The following MECOM variants were observed in gnomAD, a reference collection of about 807,000 sequenced individuals.
The protein encoded by MECOM is histone-lysine N-methyltransferase MECOM.
A neutral mutation model predicts 116.3 loss-of-function variants in MECOM; 13 were observed. That is an observed-to-expected ratio of 0.11 (90% CI 0.07 to 0.18). The LOEUF is 0.18. MECOM is among the 10% of genes least tolerant of loss of function. The pLI is 1.00. For synonymous variants in MECOM, 528 were observed against 535.2 expected (o/e 0.99, Z 0.19); for missense variants, 1,299 against 1,509.0 (o/e 0.86, Z 2.31).
chr3:169,326,119 C>T (rs548399885), intron 2 of MECOM, among the ~76,000 whole-genome samples: 1 of 152,164 alleles, frequency 6.6e-6, no homozygotes, highest in South Asian at 2.1e-4. Context: ...AAAAAAAGCT[C>T]AAGGAAGCCT....
chr3:169,099,635 A>G (rs1722890742), intron 12 of MECOM, among the ~76,000 whole-genome samples: 1 of 152,162 alleles, frequency 6.6e-6, no homozygotes, highest in South Asian at 2.1e-4. Context: ...AATCTGATAA[A>G]TAACTTACTT....
intron 2 of MECOM, among the ~76,000 whole-genome samples, chr3:169,204,391 A>G (rs1439631947): frequency 1.3e-5 from 2 of 152,104 alleles, no homozygotes; most frequent in Non-Finnish European, 2.9e-5. Context: ...CACATCAGTT[A>G]CTCACAAGCC....
At chr3:169,132,779 G>T (rs1735168405) in intron 3 of MECOM, among the ~76,000 whole-genome samples, 1 of 149,340 alleles carries the variant, frequency 6.7e-6, no homozygotes, top group Admixed American at 6.6e-5. Flanking sequence ...TTGAGACAGG[G>T]TCTCAATCTG....
chr3:169,526,641 ATTTGT>A (rs1161300626), intron 1 of MECOM, among the ~76,000 whole-genome samples: 2 of 152,078 alleles, frequency 1.3e-5, no homozygotes, highest in Non-Finnish European at 2.9e-5. Flanking sequence ...TTTCTATACA[ATTTGT>A]TTTATTTTTT....
intron 2 of MECOM, among the ~76,000 whole-genome samples, chr3:169,166,141 C>G (rs16853283): frequency 0.07 from 10,723 of 152,226 alleles, 485 homozygotes; most frequent in South Asian, 0.19. Flanking sequence ...GTAACGCTTG[C>G]AGCAGCGGTT....
At chr3:169,305,491 G>A (rs531891021) in intron 2 of MECOM, among the ~76,000 whole-genome samples, 12 of 152,210 alleles carry the variant, frequency 7.9e-5, no homozygotes, top group African/African-American at 2.4e-4. Flanking sequence ...CAAAGTAGCA[G>A]AAAAAAAGAA....
At chr3:169,409,817 A>G (rs1438910516) in intron 1 of MECOM, among the ~76,000 whole-genome samples, 1 of 152,238 alleles carries the variant, frequency 6.6e-6, no homozygotes, top group South Asian at 2.1e-4. Flanking sequence ...GCATGCATCC[A>G]TTGAAGCTAG....
intron 9 of MECOM, among the ~76,000 whole-genome samples, chr3:169,110,830 A>G (rs533960408): frequency 3.3e-5 from 5 of 152,246 alleles, no homozygotes; most frequent in Non-Finnish European, 5.9e-5. Flanking sequence ...AAGACGTGAC[A>G]TTCTGGTGTA....
chr3:169,257,589 T>A (rs1460528268), intron 2 of MECOM, among the ~76,000 whole-genome samples: 1 of 152,158 alleles, frequency 6.6e-6, no homozygotes, highest in African/African-American at 2.4e-5. Context: ...TTCTGTGAAA[T>A]TTTTGCACAG....
intron 1 of MECOM, among the ~76,000 whole-genome samples, chr3:169,644,571 T>C (rs898614020): frequency 2.0e-5 from 3 of 152,264 alleles, no homozygotes; most frequent in African/African-American, 7.2e-5. Context: ...CCATTTTATA[T>C]TTTATATTCA....
At chr3:169,361,246 G>C (rs373171060) in intron 2 of MECOM, among the ~76,000 whole-genome samples, 11 of 151,878 alleles carry the variant, frequency 7.2e-5, no homozygotes, top group African/African-American at 2.7e-4. Context: ...GCACTGTTTA[G>C]GGACACTTAC....
At chr3:169,428,847 G>A (rs1741144888) in intron 1 of MECOM, among the ~76,000 whole-genome samples, 2 of 152,064 alleles carry the variant, frequency 1.3e-5, no homozygotes, top group South Asian at 4.2e-4. Context: ...TTTTCACCCT[G>A]ACATCACCTG....
chr3:169,398,754 C>A (rs928078878), intron 1 of MECOM, among the ~76,000 whole-genome samples: 1 of 152,128 alleles, frequency 6.6e-6, no homozygotes, highest in African/African-American at 2.4e-5. Context: ...CTCCTGTGAA[C>A]CTTACTGCTT....
chr3:169,156,695 T>C (rs962796089), intron 2 of MECOM, among the ~76,000 whole-genome samples: 2 of 152,170 alleles, frequency 1.3e-5, no homozygotes, highest in African/African-American at 4.8e-5. Flanking sequence ...CTTCTTCCTA[T>C]CCTCCTCCAT....
intron 2 of MECOM, among the ~76,000 whole-genome samples, chr3:169,275,476 A>G (rs1166168471): frequency 6.6e-6 from 1 of 152,212 alleles, no homozygotes; most frequent in Non-Finnish European, 1.5e-5. Flanking sequence ...AGTATGCTAT[A>G]TCTTGTGAGC....
intron 2 of MECOM, among the ~76,000 whole-genome samples, chr3:169,363,904 C>T (rs1331158384): frequency 6.6e-6 from 1 of 151,936 alleles, no homozygotes; most frequent in Non-Finnish European, 1.5e-5. Context: ...TTTGTTTCTC[C>T]TCATTAAACT....
At chr3:169,476,798 G>A (rs1750466372) in intron 1 of MECOM, 1 of 151,304 alleles carries the variant, frequency 6.6e-6, no homozygotes, top group African/African-American at 2.4e-5. Flanking sequence ...GATTACCCTT[G>A]TGAAGCCTTG....
intron 1 of MECOM, among the ~76,000 whole-genome samples, chr3:169,556,069 T>C (rs1437169504): frequency 6.6e-6 from 1 of 152,228 alleles, no homozygotes; most frequent in Non-Finnish European, 1.5e-5. Flanking sequence ...TTCTTTTTGG[T>C]TAGTGAAATG....
intron 2 of MECOM, among the ~76,000 whole-genome samples, chr3:169,250,470 A>C (rs996058340): frequency 9.9e-5 from 15 of 152,194 alleles, no homozygotes; most frequent in African/African-American, 3.6e-4. Context: ...CATATGTTTG[A>C]CCAACCAGCT....
Sources: allele counts gnomAD v4.1 joint callset (sites outside exome capture counted in the v4.1 genomes callset), GRCh38; gene constraint gnomAD v4.1.1; transcripts MANE v1.5; gene names NCBI Gene and HGNC (gene_info 2026-07-23, HGNC 2026-07-21).